The following STK39 variants were observed in gnomAD, a reference collection of about 807,000 sequenced individuals.
STK39 encodes the protein serine/threonine kinase 39, also known as STE20/SPS1-related proline-alanine-rich protein kinase.
STK39 carries 20 observed loss-of-function variants against 77.8 expected under a neutral mutation model. The observed-to-expected ratio is 0.26, with a 90% CI of 0.18 to 0.37. The LOEUF (loss-of-function observed/expected upper bound fraction) is 0.37. Ranked by LOEUF, STK39 falls within the 10% of genes least tolerant of loss-of-function variation. The probability of loss-of-function intolerance (pLI) is 1.00; values close to 1 mark genes in which losing one functional copy is unlikely to be tolerated. For missense variants in STK39, 479 were observed against 656.5 expected (o/e 0.73, Z 2.95); for synonymous variants, 246 against 234.1 (o/e 1.05, Z -0.47).
At chr2:168,051,202 A>G (rs994578303) in intron 14 of STK39, among the ~76,000 whole-genome samples, 1 of 152,172 alleles carries the variant, frequency 6.6e-6, no homozygotes, top group African/African-American at 2.4e-5. Context: ...AAAACTGGAG[A>G]GGAGAATTTT....
chr2:168,074,671 A>C (rs1434694246), intron 12 of STK39, among the ~76,000 whole-genome samples: 2 of 152,356 alleles, frequency 1.3e-5, no homozygotes, highest in Non-Finnish European at 1.5e-5. Flanking sequence ...TGGATTACCT[A>C]GTCTGTGACA....
At chr2:168,091,961 T>C (rs1686537885) in intron 10 of STK39, among the ~76,000 whole-genome samples, 2 of 152,234 alleles carry the variant, frequency 1.3e-5, no homozygotes, top group African/African-American at 4.8e-5. Flanking sequence ...TAGAATCTAA[T>C]ATCAGTCTAC....
At chr2:168,082,217 T>C (rs1686253017) in intron 10 of STK39, among the ~76,000 whole-genome samples, 1 of 152,178 alleles carries the variant, frequency 6.6e-6, no homozygotes, top group African/African-American at 2.4e-5. Context: ...CTACATCATC[T>C]GTAAATATGC....
rs73026941 is a variant in STK39, at chr2:167,955,752, A to G, written c.1564-182T>C. On this transcript the variant is annotated intron_variant, in intron 17 of 17. Transcript: ENST00000355999. ...TGACTACTGGAAGCTAAGTGCTGTC[A>G]GCACTGTGGCCATCATGCTATGAAG... Among the ~76,000 whole-genome samples, 738 of 152,342 alleles carry G rather than the reference A, an allele frequency of 4.8e-3. 9 individuals are homozygous for G. Among genetic ancestry groups the G allele is most frequent in the African/African-American group, 0.016 (672 of 41,586 alleles).
At chr2:168,021,715 T>G (rs1205605718) in intron 14 of STK39, among the ~76,000 whole-genome samples, 1 of 152,130 alleles carries the variant, frequency 6.6e-6, no homozygotes, top group Non-Finnish European at 1.5e-5. Context: ...ACTCTTAAAT[T>G]TGGTAAGGTA....
At position 168,242,560 on chromosome 2, in the gene STK39, AATATATAT is replaced by A. The variant is rs59941306; in HGVS notation, c.208+4660_208+4667del. ...CAAGACTCTTACAAAAAAAAAAAAAAATATATATATATATATATATATATATATATATA... is the reference window on the plus strand; with the variant it reads ...CAAGACTCTTACAAAAAAAAAAAAAAATATATATATATATATATATATATA... On this transcript the variant is annotated intron_variant, in intron 1 of 17. Coordinates refer to ENST00000355999, the MANE Select transcript of STK39 (RefSeq NM_013233.3). 4.9e-3 allele frequency among the ~76,000 whole-genome samples: 218 copies of A among 44,844 alleles called. 11 individuals are homozygous for A. Among genetic ancestry groups the A allele is most frequent in the African/African-American group, 0.022 (200 of 9,078 alleles). The allele number at this position is 44,844 out of a possible 152,430, so 29.4% of individuals were successfully genotyped here.
At chr2:168,223,003 A>C (rs1690213622) in intron 1 of STK39, among the ~76,000 whole-genome samples, 1 of 152,182 alleles carries the variant, frequency 6.6e-6, no homozygotes, top group South Asian at 2.1e-4. Context: ...TGTATTGCAC[A>C]TTCATGATCT....
At chr2:168,038,652 AATATTT>A (rs1222089681) in intron 14 of STK39, among the ~76,000 whole-genome samples, 1 of 152,144 alleles carries the variant, frequency 6.6e-6, no homozygotes. Flanking sequence ...GAGTGAGAAA[AATATTT>A]ATTATCCATA....
rs546323971 is a variant in STK39 at position 168,035,404 on chromosome 2, CTTATT to C, written c.1377-18314_1377-18310del. Among the ~76,000 whole-genome samples the C allele has an allele frequency of 2.9e-3, 435 of 152,240 alleles. 1 individual carries two copies. Among genetic ancestry groups the C allele is most frequent in the African/African-American group, 9.9e-3 (413 of 41,548 alleles). ...TTAAAAGCAAATCAAAGAATTTTAT[CTTATT>C]TTAGTTTTTCCTTCCCTTTCTCTAA... On this transcript the variant is annotated intron_variant, in intron 14 of 17. Transcript: ENST00000355999.
intron 10 of STK39, among the ~76,000 whole-genome samples, chr2:168,077,317 A>G (rs1029510302): frequency 6.6e-6 from 1 of 152,138 alleles, no homozygotes; most frequent in Non-Finnish European, 1.5e-5. Context: ...CTCTGGCTCT[A>G]TGTTTACAAG....
intron 10 of STK39, among the ~76,000 whole-genome samples, chr2:168,106,295 A>G (rs1686971253): frequency 6.6e-6 from 1 of 152,156 alleles, no homozygotes; most frequent in African/African-American, 2.4e-5. Context: ...CTGAGATATA[A>G]CAGTATCTAC....
At chr2:168,005,009 T>A (rs1485278111) in intron 16 of STK39, among the ~76,000 whole-genome samples, 2 of 138,422 alleles carry the variant, frequency 1.4e-5, no homozygotes, top group Admixed American at 7.2e-5. Flanking sequence ...TTTTTTTTTT[T>A]TTTTTTTTTT....
In STK39 at chr2:168,081,311, C is replaced by T. The variant is rs142181867; in HGVS notation, c.1090-6080G>A. 1.1e-3 allele frequency among the ~76,000 whole-genome samples: 166 copies of T among 152,282 alleles called. 1 individual carries two copies. Among genetic ancestry groups the T allele is most frequent in the South Asian group, 3.5e-3 (17 of 4,816 alleles). On this transcript the variant is annotated intron_variant, in intron 10 of 17. Transcript: ENST00000355999. Reference sequence around the variant, plus strand: ...CATGGGAACCCATCTCTTGCATCAGCGTAACCTGGATGTGAGACATGGAGT... The same window carrying T: ...CATGGGAACCCATCTCTTGCATCAGTGTAACCTGGATGTGAGACATGGAGT...
intron 17 of STK39, chr2:167,964,195 C>T (rs1387604820): frequency 1.9e-5 from 3 of 155,726 alleles, no homozygotes; most frequent in African/African-American, 7.2e-5. Flanking sequence ...ATTGTTGTGT[C>T]TTTGTCCGCC....
chr2:168,220,782 G>A (rs1690149158), intron 1 of STK39, among the ~76,000 whole-genome samples: 1 of 152,120 alleles, frequency 6.6e-6, no homozygotes, highest in African/African-American at 2.4e-5. Context: ...TAATACAATT[G>A]AACATGTGTC....
chr2:168,047,789 A>G (rs927467294), intron 14 of STK39, among the ~76,000 whole-genome samples: 1 of 152,226 alleles, frequency 6.6e-6, no homozygotes, highest in African/African-American at 2.4e-5. Context: ...TGCTTTTATG[A>G]AACAAGATGT....
chr2:168,015,161 C>A (rs1684373918), intron 15 of STK39, among the ~76,000 whole-genome samples: 1 of 152,190 alleles, frequency 6.6e-6, no homozygotes, highest in Admixed American at 6.5e-5. Context: ...TGTTTAACAT[C>A]CCTGGTGCCT....
At chr2:168,060,256 A>C (rs1346139342) in intron 14 of STK39, among the ~76,000 whole-genome samples, 2 of 152,230 alleles carry the variant, frequency 1.3e-5, no homozygotes, top group Admixed American at 6.5e-5. Context: ...ACTGCTATGT[A>C]CTGAATCGTG....
intron 12 of STK39, among the ~76,000 whole-genome samples, chr2:168,066,792 C>A (rs1574435547): frequency 6.6e-6 from 1 of 152,198 alleles, no homozygotes; most frequent in African/African-American, 2.4e-5. Flanking sequence ...CTGAATACAA[C>A]GAGGGGACCA....
Sources: gnomAD v4.1 joint callset for allele counts (sites outside exome capture counted in the v4.1 genomes callset) on GRCh38, gnomAD v4.1.1 for gene constraint, MANE v1.5 for transcripts, NCBI Gene and HGNC (gene_info 2026-07-23, HGNC 2026-07-21) for gene names.